The following ZNF76 variants were observed in gnomAD, a reference collection of about 807,000 sequenced individuals.
The protein encoded by ZNF76 is zinc finger protein 523.
Under a neutral mutation model 66.9 loss-of-function variants are expected in ZNF76, and 66 were observed. The ratio of observed to expected loss-of-function variants is 0.99; its 90% CI spans 0.81 to 1.21. The LOEUF (loss-of-function observed/expected upper bound fraction) is 1.21, where lower values mean the gene tolerates loss of function less well. Among genes scored for constraint, ZNF76 ranks in the 50% most tolerant of loss-of-function variants. The pLI, the probability that ZNF76 is intolerant of heterozygous loss-of-function variation, is 0.00. For synonymous variants in ZNF76, 275 were observed against 296.1 expected, an observed-to-expected ratio of 0.93 and a Z score of 0.73; for missense variants, 729 against 760.3, an observed-to-expected ratio of 0.96 and a Z score of 0.48.
chr6:35,271,384 G>C (rs936837963), intron 1 of ZNF76, among the ~76,000 whole-genome samples: 1 of 152,240 alleles, frequency 6.6e-6, no homozygotes, highest in African/African-American at 2.4e-5. Context: ...GAATATAGCA[G>C]ATTCTGCTGC....
chr6:35,293,491 T>C lies in ZNF76; in HGVS notation c.1330-260T>C, dbSNP rs9469980. On this transcript the variant is annotated intron_variant, in intron 11 of 13. Coordinates refer to ENST00000373953, the MANE Select transcript of ZNF76 (RefSeq NM_003427.5). ...GCTTTCTAGAGTTGTTAGGACACAA[T>C]CAGGTGGCGACCCTGAGCTGGATAC... Among the ~76,000 whole-genome samples the C allele has an allele frequency of 2.8e-3, 426 of 152,220 alleles. 3 individuals are homozygous for C. The highest frequency in any genetic ancestry group is 9.4e-3 in the African/African-American group (390 of 41,542).
chr6:35,294,223 TTA>T, intron 12 of ZNF76: 1 of 581,984 alleles, frequency 1.7e-6, no homozygotes, highest in Non-Finnish European at 3.0e-6. Flanking sequence ...CTGGAATTTT[TTA>T]CAGCTCTGTC....
chr6:35,276,722 T>C (rs1025619050), intron 1 of ZNF76, among the ~76,000 whole-genome samples: 1 of 152,094 alleles, frequency 6.6e-6, no homozygotes, highest in African/African-American at 2.4e-5. Context: ...CCAGGGAGTC[T>C]GAGGATATTT....
intron 1 of ZNF76, among the ~76,000 whole-genome samples, chr6:35,268,526 G>A (rs924753310): frequency 2.0e-5 from 3 of 152,074 alleles, no homozygotes; most frequent in Non-Finnish European, 2.9e-5. Context: ...AAACCTGGCC[G>A]GGTGTAGTGG....
Position 35,295,769 on chromosome 6 carries a change from C to T in ZNF76, c.*521C>T, listed in dbSNP as rs1431139395. 2 of 196,202 alleles carry T rather than the reference C, an allele frequency of 1.0e-5. No individual in the cohort carries two copies. The highest frequency in any genetic ancestry group is 2.2e-5 in the Non-Finnish European group (2 of 92,062). The allele number at this position is 196,202 out of a possible 1,614,324, so 12.2% of individuals were successfully genotyped here. ...CACAGTCAATTAATTCCTCAGGGGC[C>T]TGTGGCTGAAGAAAAGGTGCCCAGC... On this transcript the variant is annotated 3_prime_UTR_variant, in exon 14 of 14. Transcript: ENST00000373953.
At chr6:35,270,731 G>A (rs981727438) in intron 1 of ZNF76, among the ~76,000 whole-genome samples, 1 of 151,816 alleles carries the variant, frequency 6.6e-6, no homozygotes, top group Non-Finnish European at 1.5e-5. Flanking sequence ...CTAATTTTTT[G>A]TATTTTTAGT....
At chr6:35,275,379 G>A (rs2150352393) in intron 1 of ZNF76, among the ~76,000 whole-genome samples, 1 of 152,242 alleles carries the variant, frequency 6.6e-6, no homozygotes, top group East Asian at 1.9e-4. Context: ...CTGTCTCGGA[G>A]GGCTGCAGGA....
At chr6:35,290,177 T>C in intron 5 of ZNF76, 89 bp from the exon 6 acceptor site, 1 of 1,554,090 alleles carries the variant, frequency 6.4e-7, no homozygotes, top group African/African-American at 1.4e-5. Flanking sequence ...TAACCCTGCC[T>C]GTTGGGTCTT....
chr6:35,264,041 G>C (rs1785629010), intron 1 of ZNF76, among the ~76,000 whole-genome samples: 1 of 152,206 alleles, frequency 6.6e-6, no homozygotes, highest in Admixed American at 6.5e-5. Context: ...ATGAGCCACT[G>C]CACCTGGCTG....
intron 1 of ZNF76, among the ~76,000 whole-genome samples, chr6:35,265,550 A>G (rs557809014): frequency 6.6e-6 from 1 of 151,460 alleles, no homozygotes; most frequent in East Asian, 1.9e-4. Flanking sequence ...AAATGCCAGG[A>G]TTCTGGGTGT....
In ZNF76 at chr6:35,287,724, T is replaced by C. The variant is rs1789777197; in HGVS notation, c.311T>C (p.Val104Ala). Residue 104 changes from valine (V) to alanine (A), a missense_variant, in exon 5 of 14, where the codon GTG becomes GCG. Coordinates refer to ENST00000373953, the MANE Select transcript of ZNF76 (RefSeq NM_003427.5). This position sits in a 1 kb window ranked among gnomAD's most constrained non-coding sequence, Gnocchi z 4.0. ...GCCTACATTCACCACCCTGTGGCTG[T>C]GCCATCGGAGAGCACCATCCTGGCC... ...STAYIHHPVA[V>A]PSESTILAVQ... 2.5e-6 allele frequency: 4 copies of C among 1,614,108 alleles called. No individual in the cohort carries two copies. Among genetic ancestry groups the C allele is most frequent in the African/African-American group, 1.3e-5 (1 of 74,950 alleles).
At position 35,291,738 on chromosome 6, in the gene ZNF76, G is replaced by T. The variant is rs777189324; in HGVS notation, c.931+1G>T. The T allele has an allele frequency of 6.2e-7, 1 of 1,606,204 alleles. No homozygotes were observed. The highest frequency in any genetic ancestry group is 1.7e-5 in the Admixed American group (1 of 60,016). On this transcript the variant is annotated splice_donor_variant, in intron 9 of 13. Coordinates refer to ENST00000373953, the MANE Select transcript of ZNF76 (RefSeq NM_003427.5). LOFTEE classifies it high-confidence loss of function. ...AAGAATCACGTGCGCATCCACACAG[G>T]TGGGCTAGCTGGCATGCGAGGACTA...
chr6:35,287,955 C>T lies in ZNF76; in HGVS notation c.432+110C>T, dbSNP rs1211406774. 3 of 1,280,454 alleles carry T rather than the reference C, an allele frequency of 2.3e-6. No homozygotes were observed. Among genetic ancestry groups the T allele is most frequent in the Non-Finnish European group, 3.3e-6 (3 of 911,830 alleles). 79.3% of individuals were successfully genotyped at this position (1,280,454 alleles called of 1,614,324 possible). On this transcript the variant is annotated intron_variant, in intron 5 of 13. Transcript: ENST00000373953. The surrounding 1 kb of genome is among the most constrained non-coding windows in gnomAD (Gnocchi z 4.0). ...CACCTCTCAAGAGGACAAGGGCAGC[C>T]CTGTGCTTGGGCACCATGTGGGATA...
chr6:35,292,651 G>A lies in ZNF76; in HGVS notation c.1029G>A (p.Lys343=), dbSNP rs1790577928. Residue 343 remains lysine, a synonymous_variant, in exon 10 of 14, where the codon AAG becomes AAA. Coordinates refer to ENST00000373953, the MANE Select transcript of ZNF76 (RefSeq NM_003427.5). This position sits in a 1 kb window ranked among gnomAD's most constrained non-coding sequence, Gnocchi z 4.7. The part of the protein sequence containing the change: ...YKHHVVHTHC[K]PYTCSTCGKT... ...ACCACGTGGTGCACACACACTGCAA[G>A]CCCTACACCTGCAGCACCTGCGGCA... The A allele has an allele frequency of 1.9e-6, 3 of 1,614,150 alleles. No individual in the cohort carries two copies. Among genetic ancestry groups the A allele is most frequent in the Non-Finnish European group, 2.5e-6 (3 of 1,180,040 alleles).
intron 1 of ZNF76, 102 bp from the exon 2 acceptor site, chr6:35,280,954 T>A (rs769697243): frequency 2.8e-5 from 17 of 600,436 alleles, no homozygotes; most frequent in Admixed American, 1.7e-4. Context: ...GAATTCATCT[T>A]TTTTCTTCTT....
intron 1 of ZNF76, among the ~76,000 whole-genome samples, chr6:35,269,551 G>A (rs1786704441): frequency 6.6e-6 from 1 of 152,138 alleles, no homozygotes; most frequent in South Asian, 2.1e-4. Flanking sequence ...TTTGTTGGGA[G>A]TTCCTGCTAC....
Position 35,294,438 on chromosome 6 carries a change from C to A in ZNF76, c.1495-18C>A. ...AGTATACTGCAGGTGGAATGGAAGA[C>A]CTCCTTTTGTCTTTCAGGTCACAAT... On this transcript the variant is annotated intron_variant, in intron 12 of 13. Transcript: ENST00000373953. 6.4e-7 allele frequency: 1 copy of A among 1,560,364 alleles called. No homozygotes were observed. The highest frequency in any genetic ancestry group is 1.1e-5 in the South Asian group (1 of 89,960).
Position 35,287,090 on chromosome 6 carries a change from G to T in ZNF76, c.233-556G>T, listed in dbSNP as rs567654133. On this transcript the variant is annotated intron_variant, in intron 4 of 13. Coordinates refer to ENST00000373953, the MANE Select transcript of ZNF76 (RefSeq NM_003427.5). The surrounding 1 kb of genome is among the most constrained non-coding windows in gnomAD (Gnocchi z 4.0). Reference sequence around the variant, plus strand: ...GCATGTGCAGGCCTAGAGCTGGGGGGAAGAAAGAACAGCACATTCCAGGAA... The same window carrying T: ...GCATGTGCAGGCCTAGAGCTGGGGGTAAGAAAGAACAGCACATTCCAGGAA... Among the ~76,000 whole-genome samples the T allele has an allele frequency of 1.3e-5, 2 of 152,228 alleles. No individual in the cohort carries two copies. The highest frequency in any genetic ancestry group is 4.1e-4 in the South Asian group (2 of 4,822).
chr6:35,260,591 T>C (rs1260235042), intron 1 of ZNF76, among the ~76,000 whole-genome samples: 1 of 152,030 alleles, frequency 6.6e-6, no homozygotes, highest in Non-Finnish European at 1.5e-5. Context: ...TAATATGAAG[T>C]AGTAATAATT....
Sources: gnomAD v4.1 joint callset for allele counts (sites outside exome capture counted in the v4.1 genomes callset) on GRCh38, gnomAD v4.1.1 for gene constraint, Gnocchi (gnomAD v3.1) non-coding constraint, MANE v1.5 for transcripts, NCBI Gene and HGNC (gene_info 2026-07-23, HGNC 2026-07-21) for gene names.